The following TPTE2 variants were observed in gnomAD, a reference collection of about 807,000 sequenced individuals.
TPTE2 encodes the protein phosphatidylinositol 3,4,5-trisphosphate 3-phosphatase TPTE2.
Under a neutral mutation model 78.6 loss-of-function variants are expected in TPTE2, and 53 were observed. The ratio of observed to expected loss-of-function variants is 0.67; its 90% confidence interval spans 0.54 to 0.85. The LOEUF is 0.85. Ranked by LOEUF, TPTE2 falls within the 40% of genes least tolerant of loss-of-function variation. The pLI, the probability that TPTE2 is intolerant of heterozygous loss-of-function variation, is 0.00. For missense variants in TPTE2, 461 were observed against 623.0 expected (o/e 0.74, Z 2.77); for synonymous variants, 175 against 206.2 (o/e 0.85, Z 1.30).
intron 1 of TPTE2, among the ~76,000 whole-genome samples, chr13:19,498,531 T>A (rs1881540467): frequency 1.3e-5 from 2 of 152,010 alleles, no homozygotes; most frequent in South Asian, 4.2e-4. Flanking sequence ...ACCCAGAATT[T>A]CATATCCAGC....
At chr13:19,466,849 G>T (rs1879296783) in intron 7 of TPTE2, among the ~76,000 whole-genome samples, 1 of 152,166 alleles carries the variant, frequency 6.6e-6, no homozygotes, top group African/African-American at 2.4e-5. Context: ...TTTTGATATA[G>T]CAGATATTAA....
chr13:19,440,871 G>A (rs537113845), intron 13 of TPTE2, among the ~76,000 whole-genome samples: 65 of 152,176 alleles, frequency 4.3e-4, no homozygotes, highest in African/African-American at 1.5e-3. Context: ...TGGATCACCC[G>A]AGGTCAGGAG....
chr13:19,522,113 A>G (rs1264897152), intron 1 of TPTE2, among the ~76,000 whole-genome samples: 2 of 152,224 alleles, frequency 1.3e-5, no homozygotes, highest in Non-Finnish European at 2.9e-5. Context: ...TTTTTGCTAC[A>G]TATAGAATTC....
the TPTE2 span, among the ~76,000 whole-genome samples, chr13:19,547,026 T>C: frequency 6.6e-6 from 1 of 151,738 alleles, no homozygotes; most frequent in East Asian, 1.9e-4. Flanking sequence ...ATAAAATCCA[T>C]TACCAAGGAT....
At chr13:19,443,693 T>C (rs1439775938) in intron 13 of TPTE2, among the ~76,000 whole-genome samples, 2 of 151,452 alleles carry the variant, frequency 1.3e-5, no homozygotes, top group Admixed American at 1.3e-4. Context: ...GTGTAAGCCA[T>C]GGCACCCAGC....
chr13:19,544,379 G>A, the TPTE2 span, among the ~76,000 whole-genome samples: 1 of 151,392 alleles, frequency 6.6e-6, no homozygotes, highest in African/African-American at 2.4e-5. Flanking sequence ...TGCTCCAGGA[G>A]GTCAGAATGA....
the TPTE2 span, among the ~76,000 whole-genome samples, chr13:19,549,942 C>A: frequency 1.1e-5 from 1 of 87,446 alleles, no homozygotes; most frequent in African/African-American, 2.8e-5. Flanking sequence ...TAAGTGGGAG[C>A]TAAACACCAA....
At position 19,426,665 on chromosome 13, in the gene TPTE2, T is replaced by C. The variant is rs769174780; in HGVS notation, c.1303-148A>G. On this transcript the variant is annotated intron_variant, in intron 17 of 19. Transcript: ENST00000400230. ...ATGCATAAATAATTATTAATAATCT[T>C]TTCTAGTTGCAATACTGTTGTTTAT... The C allele has an allele frequency of 9.4e-6, 5 of 531,914 alleles. No individual in the cohort carries two copies. In the Admixed American group the frequency reaches 1.4e-4, roughly 14 times the overall value. 32.9% of individuals were successfully genotyped at this position (531,914 alleles called of 1,614,324 possible).
At chr13:19,515,908 T>G (rs1371125127) in intron 1 of TPTE2, among the ~76,000 whole-genome samples, 1 of 152,192 alleles carries the variant, frequency 6.6e-6, no homozygotes, top group Non-Finnish European at 1.5e-5. Context: ...CTTGGGAAAC[T>G]AATCTCCAAA....
chr13:19,431,635 TCA>T (rs1214648855), intron 16 of TPTE2, among the ~76,000 whole-genome samples: 11 of 151,904 alleles, frequency 7.2e-5, no homozygotes, highest in Admixed American at 4.6e-4. Flanking sequence ...TCATTAGAAA[TCA>T]CAGTTTCTTG....
intron 6 of TPTE2, among the ~76,000 whole-genome samples, chr13:19,470,243 G>A (rs1278961318): frequency 6.6e-6 from 1 of 152,144 alleles, no homozygotes; most frequent in African/African-American, 2.4e-5. Context: ...ATGAAGGGAT[G>A]TTGAATTTTA....
chr13:19,514,109 A>C (rs1869634997), intron 1 of TPTE2, among the ~76,000 whole-genome samples: 1 of 152,012 alleles, frequency 6.6e-6, no homozygotes. Flanking sequence ...TTCTTTCTCC[A>C]AGCAGGATTC....
intron 17 of TPTE2, among the ~76,000 whole-genome samples, chr13:19,429,205 T>C (rs137929827): frequency 0.024 from 3,697 of 152,318 alleles, 62 homozygotes; most frequent in Middle Eastern, 0.051. Flanking sequence ...CAGGATTCTA[T>C]ACATTGCATT....
At chr13:19,430,635 GA>G in intron 16 of TPTE2, 88 bp from the exon 20 acceptor site, 1 of 847,260 alleles carries the variant, frequency 1.2e-6, no homozygotes, top group Non-Finnish European at 1.9e-6. Context: ...ATTAAAAAGA[GA>G]AAAAATTATC....
chr13:19,459,900 C>T (rs1021645376), intron 10 of TPTE2, among the ~76,000 whole-genome samples: 1 of 152,166 alleles, frequency 6.6e-6, no homozygotes, highest in Non-Finnish European at 1.5e-5. Flanking sequence ...TCCCCACCTC[C>T]CCGGGAACTC....
chr13:19,494,511 C>T (rs1206477657), intron 1 of TPTE2, among the ~76,000 whole-genome samples: 5 of 152,160 alleles, frequency 3.3e-5, no homozygotes, highest in African/African-American at 9.7e-5. Context: ...AAGGTTCAAT[C>T]GATTCTCCTG....
intron 5 of TPTE2, among the ~76,000 whole-genome samples, chr13:19,474,857 G>C (rs1364511509): frequency 6.6e-6 from 1 of 152,166 alleles, no homozygotes; most frequent in Non-Finnish European, 1.5e-5. Context: ...ATGTAGAGAA[G>C]AGTCTAAGTA....
chr13:19,502,565 A>G (rs9796227), intron 1 of TPTE2, among the ~76,000 whole-genome samples: 33,546 of 146,962 alleles, frequency 0.23, 4,962 homozygotes, highest in Non-Finnish European at 0.33. Context: ...ACCAAACACC[A>G]CATATTCTCA....
upstream of TPTE2, among the ~76,000 whole-genome samples, chr13:19,537,337 T>G (rs1201835732): frequency 6.6e-6 from 1 of 150,536 alleles, no homozygotes; most frequent in Non-Finnish European, 1.5e-5. Context: ...AGGTTCAAGC[T>G]ATTCTCCTGC....
Sources: gnomAD v4.1 joint callset for allele counts (sites outside exome capture counted in the v4.1 genomes callset) on GRCh38, gnomAD v4.1.1 for gene constraint, MANE v1.5 for transcripts, NCBI Gene and HGNC (gene_info 2026-07-23, HGNC 2026-07-21) for gene names.